Variants in CACNA2D2 observed in about 807,000 individuals in gnomAD.
The protein encoded by CACNA2D2 is voltage-dependent calcium channel subunit alpha-2/delta-2.
A neutral mutation model predicts 166.4 loss-of-function variants in CACNA2D2; 48 were observed. That is an observed-to-expected ratio of 0.29 (90% CI 0.23 to 0.37). The LOEUF (loss-of-function observed/expected upper bound fraction) is 0.37, where lower values mean the gene tolerates loss of function less well. Ranked by LOEUF, CACNA2D2 falls within the 10% of genes least tolerant of loss-of-function variation. The probability of loss-of-function intolerance (pLI) is 1.00; values close to 1 mark genes in which losing one functional copy is unlikely to be tolerated. For missense variants in CACNA2D2, 1,122 were observed against 1,433.0 expected, an observed-to-expected ratio of 0.78 and a Z score of 3.50; for synonymous variants, 561 against 573.7, an observed-to-expected ratio of 0.98 and a Z score of 0.32.
intron 1 of CACNA2D2, among the ~76,000 whole-genome samples, chr3:50,496,793 T>C (rs958980952): frequency 6.6e-6 from 1 of 151,976 alleles, no homozygotes; most frequent in Non-Finnish European, 1.5e-5. Flanking sequence ...TGTTGAGAGG[T>C]GTGGCAGAGT....
At chr3:50,455,228 G>A (rs1319463269) in intron 2 of CACNA2D2, among the ~76,000 whole-genome samples, 2 of 152,242 alleles carry the variant, frequency 1.3e-5, no homozygotes, top group Non-Finnish European at 2.9e-5. Flanking sequence ...CCTCGCCCAT[G>A]CGGACAAGCA....
chr3:50,451,653 G>T (rs1559962236), intron 2 of CACNA2D2, among the ~76,000 whole-genome samples: 1 of 152,158 alleles, frequency 6.6e-6, no homozygotes, highest in Non-Finnish European at 1.5e-5. Flanking sequence ...TACAGACTTA[G>T]CCCATGTCTC....
chr3:50,462,661 A>C (rs1575727790), intron 2 of CACNA2D2, among the ~76,000 whole-genome samples: 1 of 151,742 alleles, frequency 6.6e-6, no homozygotes, highest in African/African-American at 2.4e-5. Context: ...CCCACGGATA[A>C]TGCCTAAAAC....
At chr3:50,493,681 T>C (rs565457434) in intron 1 of CACNA2D2, among the ~76,000 whole-genome samples, 69 of 152,312 alleles carry the variant, frequency 4.5e-4, no homozygotes, top group African/African-American at 1.5e-3. Context: ...GGCAGCCAAA[T>C]GCGCTCCTCA....
At chr3:50,470,164 C>T (rs1466600403) in intron 2 of CACNA2D2, among the ~76,000 whole-genome samples, 3 of 152,224 alleles carry the variant, frequency 2.0e-5, no homozygotes, top group Non-Finnish European at 2.9e-5. Context: ...GGCCCATGTG[C>T]AGCCAGGCCT....
At chr3:50,448,223 G>A (rs748089307) in intron 2 of CACNA2D2, among the ~76,000 whole-genome samples, 14 of 152,178 alleles carry the variant, frequency 9.2e-5, no homozygotes, top group Non-Finnish European at 1.5e-4. Context: ...CTGCAGGGTT[G>A]CCCTGCAAAG....
chr3:50,499,271 G>A (rs1698855342), intron 1 of CACNA2D2, among the ~76,000 whole-genome samples: 1 of 152,214 alleles, frequency 6.6e-6, no homozygotes, highest in East Asian at 1.9e-4. Context: ...TGGCAGGGCA[G>A]CATGAGCAAA....
chr3:50,375,788 C>T lies in CACNA2D2; in HGVS notation c.1845+21G>A. ...AAGGGTGCCCACCCTGACTCCCTGG[C>T]CCCCAGCCCTGCCTCCTTACCTCAT... On this transcript the variant is annotated intron_variant, in intron 20 of 37. Transcript: ENST00000424201. This position sits in a 1 kb window ranked among gnomAD's most constrained non-coding sequence, Gnocchi z 4.0. 1.2e-6 allele frequency: 2 copies of T among 1,612,898 alleles called. No homozygotes were observed. Among genetic ancestry groups the T allele is most frequent in the Non-Finnish European group, 1.7e-6 (2 of 1,179,922 alleles).
intron 1 of CACNA2D2, among the ~76,000 whole-genome samples, chr3:50,496,844 G>GC (rs1560008653): frequency 6.6e-6 from 1 of 152,206 alleles, no homozygotes; most frequent in African/African-American, 2.4e-5. Flanking sequence ...GAAAGAACTA[G>GC]CCATCAGGGA....
chr3:50,379,905 C>A lies in CACNA2D2; in HGVS notation c.893+63G>T, dbSNP rs1350944805. 7 of 1,612,350 alleles carry A rather than the reference C, an allele frequency of 4.3e-6. No individual in the cohort carries two copies. In the Admixed American group the frequency reaches 8.3e-5, roughly 19 times the overall value. On this transcript the variant is annotated intron_variant, in intron 9 of 37. Transcript: ENST00000424201. This position sits in a 1 kb window ranked among gnomAD's most constrained non-coding sequence, Gnocchi z 6.5. ...TGCCCATCCCCCAAGATGTTCAGGG[C>A]AGCAGAGTCTAGCCCATTGCCCGTC... is the stretch of plus-strand genomic sequence containing the variant.
At chr3:50,462,134 A>G (rs1269776502) in intron 2 of CACNA2D2, among the ~76,000 whole-genome samples, 1 of 152,188 alleles carries the variant, frequency 6.6e-6, no homozygotes, top group East Asian at 1.9e-4. Context: ...CTGTAATTCC[A>G]GCACTTTGGG....
chr3:50,502,587 C>A (rs376346059), intron 1 of CACNA2D2, among the ~76,000 whole-genome samples: 27 of 152,308 alleles, frequency 1.8e-4, no homozygotes, highest in East Asian at 5.8e-4. Context: ...CACCTTCTGC[C>A]CGGACCCCAA....
chr3:50,442,690 C>T (rs1341833317), intron 2 of CACNA2D2, among the ~76,000 whole-genome samples: 2 of 152,328 alleles, frequency 1.3e-5, no homozygotes, highest in African/African-American at 2.4e-5. Context: ...ACCTCACCCA[C>T]CTGCAATTGT....
intron 6 of CACNA2D2, among the ~76,000 whole-genome samples, chr3:50,382,758 G>C (rs1705385146): frequency 6.6e-6 from 1 of 152,218 alleles, no homozygotes; most frequent in Non-Finnish European, 1.5e-5. Context: ...ACCCCTCACT[G>C]TGTCTCGGTT....
At chr3:50,434,583 C>T (rs1342537838) in intron 2 of CACNA2D2, among the ~76,000 whole-genome samples, 154 bp from the exon 3 acceptor site, 4 of 152,222 alleles carry the variant, frequency 2.6e-5, no homozygotes, top group African/African-American at 4.8e-5. Context: ...GGAAGGCCAG[C>T]GCCCCCACAG....
intron 1 of CACNA2D2, among the ~76,000 whole-genome samples, chr3:50,484,899 G>T (rs1447405237): frequency 6.6e-6 from 1 of 152,264 alleles, no homozygotes; most frequent in African/African-American, 2.4e-5. Context: ...CGGCCATGGG[G>T]TAGGCAGGTG....
intron 2 of CACNA2D2, among the ~76,000 whole-genome samples, chr3:50,466,054 G>C (rs901586684): frequency 6.6e-5 from 10 of 152,138 alleles, no homozygotes; most frequent in African/African-American, 2.2e-4. Flanking sequence ...CAAGGTCCTA[G>C]GTGGCCTCAC....
intron 1 of CACNA2D2, among the ~76,000 whole-genome samples, chr3:50,482,550 G>A (rs1260863979): frequency 6.6e-6 from 1 of 152,224 alleles, no homozygotes; most frequent in Non-Finnish European, 1.5e-5. Context: ...AGCCCCACAT[G>A]TGGGATGCTA....
chr3:50,400,829 T>C (rs111572958), intron 3 of CACNA2D2, among the ~76,000 whole-genome samples: 1 of 152,228 alleles, frequency 6.6e-6, no homozygotes, highest in Admixed American at 6.5e-5. Flanking sequence ...CTTAACAAAT[T>C]TGTTATAGTT....
Sources: gnomAD v4.1 joint callset for allele counts (sites outside exome capture counted in the v4.1 genomes callset) on GRCh38, gnomAD v4.1.1 for gene constraint, Gnocchi (gnomAD v3.1) non-coding constraint, MANE v1.5 for transcripts, NCBI Gene and HGNC (gene_info 2026-07-23, HGNC 2026-07-21) for gene names.